Variants in RAB38 observed in about 807,000 individuals in gnomAD.
RAB38 encodes ras-related protein Rab-38.
RAB38 carries 15 observed loss-of-function variants against 18.4 expected under a neutral mutation model. The ratio of observed to expected loss-of-function variants is 0.82; its 90% CI spans 0.55 to 1.26. RAB38 has a LOEUF of 1.26. Among genes scored for constraint, RAB38 ranks in the 50% most tolerant of loss-of-function variants. The pLI is 0.00. For missense variants in RAB38, 294 were observed against 267.4 expected (o/e 1.10, Z -0.69); for synonymous variants, 101 against 104.4 (o/e 0.97, Z 0.20).
chr11:87,886,844 T>C, the RAB38 span, among the ~76,000 whole-genome samples: 1 of 151,734 alleles, frequency 6.6e-6, no homozygotes. Context: ...TTTTTTTCTT[T>C]TACACTGATG....
the RAB38 span, among the ~76,000 whole-genome samples, chr11:87,870,501 C>G: frequency 2.6e-5 from 4 of 151,612 alleles, no homozygotes; most frequent in South Asian, 8.3e-4. Context: ...CATTTCTCAT[C>G]AGGGGTCCGT....
At chr11:88,138,786 TTTA>T (rs1308249602) in intron 2 of RAB38, among the ~76,000 whole-genome samples, 1,340 of 114,718 alleles carry the variant, frequency 0.012, 10 homozygotes, top group Middle Eastern at 0.026. Flanking sequence ...TTCTTTTTTT[TTTA>T]TTATTTTTTT....
At chr11:88,070,256 C>T in the RAB38 span, among the ~76,000 whole-genome samples, 10 of 152,114 alleles carry the variant, frequency 6.6e-5, no homozygotes, top group East Asian at 3.9e-4. Flanking sequence ...CAACTCCAGA[C>T]GGGCCGCCTT....
At chr11:88,084,372 A>C in the RAB38 span, among the ~76,000 whole-genome samples, 2 of 151,754 alleles carry the variant, frequency 1.3e-5, no homozygotes, top group Non-Finnish European at 2.9e-5. Context: ...ATGAAATATA[A>C]AAGTGAATGG....
chr11:88,059,686 C>T, the RAB38 span, among the ~76,000 whole-genome samples: 3 of 152,220 alleles, frequency 2.0e-5, no homozygotes, highest in South Asian at 2.1e-4. Context: ...GAGTCTGTTA[C>T]ACTGAACAAG....
the RAB38 span, among the ~76,000 whole-genome samples, chr11:88,018,881 C>G: frequency 6.6e-6 from 1 of 151,956 alleles, no homozygotes; most frequent in Admixed American, 6.6e-5. Context: ...ATGAGGAACC[C>G]CCACAGATGA....
At chr11:87,904,779 C>T in the RAB38 span, among the ~76,000 whole-genome samples, 4 of 151,802 alleles carry the variant, frequency 2.6e-5, no homozygotes, top group East Asian at 5.9e-4. Flanking sequence ...GCCATTCTGA[C>T]TAGTGTGAAA....
At chr11:88,027,656 A>G in the RAB38 span, among the ~76,000 whole-genome samples, 1 of 152,138 alleles carries the variant, frequency 6.6e-6, no homozygotes, top group Non-Finnish European at 1.5e-5. Flanking sequence ...GCAAGGCGGC[A>G]GCGAGGCTGG....
the RAB38 span, among the ~76,000 whole-genome samples, chr11:87,966,541 A>G: frequency 6.6e-6 from 1 of 152,190 alleles, no homozygotes; most frequent in Non-Finnish European, 1.5e-5. Flanking sequence ...TGCAACATGC[A>G]AGAGAGGAGA....
At chr11:87,948,201 G>A in the RAB38 span, among the ~76,000 whole-genome samples, 4 of 152,108 alleles carry the variant, frequency 2.6e-5, no homozygotes, top group African/African-American at 7.2e-5. Flanking sequence ...CTGTTTGTCT[G>A]TTATTGGTGT....
the RAB38 span, among the ~76,000 whole-genome samples, chr11:87,927,441 C>A: frequency 6.6e-6 from 1 of 151,924 alleles, no homozygotes; most frequent in Non-Finnish European, 1.5e-5. Flanking sequence ...AGTTGACTTA[C>A]CTCCTGAACA....
At chr11:88,112,722 T>A (rs990049302), downstream of RAB38, among the ~76,000 whole-genome samples, 8 of 151,830 alleles carry the variant, frequency 5.3e-5, no homozygotes, top group Non-Finnish European at 1.0e-4. Flanking sequence ...TGCAGTGAGC[T>A]GAGATCGCGC....
chr11:88,066,138 AC>A, the RAB38 span, among the ~76,000 whole-genome samples: 4 of 152,222 alleles, frequency 2.6e-5, no homozygotes, highest in Admixed American at 6.5e-5. Context: ...TAACAAGTTT[AC>A]TTGGTTGTCA....
the RAB38 span, among the ~76,000 whole-genome samples, chr11:88,080,215 T>A: frequency 1.3e-5 from 2 of 151,600 alleles, no homozygotes; most frequent in Non-Finnish European, 3.0e-5. Context: ...AAGGTCAATA[T>A]ATAAAAACAA....
chr11:88,098,905 T>C, the RAB38 span, among the ~76,000 whole-genome samples: 1 of 152,014 alleles, frequency 6.6e-6, no homozygotes, highest in Non-Finnish European at 1.5e-5. Flanking sequence ...TGGGTCTTCA[T>C]ACCAGGCATG....
In RAB38 at chr11:88,175,328, G is replaced by T; in HGVS notation, c.57C>A (p.Gly19=). ...LYKLLVIGDL[G]VGKTSIIKRY... ...GCTTGATGATACTGGTCTTCCCCACGCCCAGGTCGCCAATCACCAGCAACT... is the reference window on the plus strand; with the variant it reads ...GCTTGATGATACTGGTCTTCCCCACTCCCAGGTCGCCAATCACCAGCAACT... Residue 19 remains glycine, a synonymous_variant, in exon 1 of 3, where the codon GGC becomes GGA. Transcript: ENST00000243662. 1 of 1,614,190 alleles carries T rather than the reference G, an allele frequency of 6.2e-7. No individual in the cohort carries two copies. The highest frequency in any genetic ancestry group is 8.5e-7 in the Non-Finnish European group (1 of 1,180,022).
chr11:88,068,393 A>G, the RAB38 span, among the ~76,000 whole-genome samples: 1 of 152,232 alleles, frequency 6.6e-6, no homozygotes. Flanking sequence ...TAAAACAATA[A>G]ATATGAACTT....
the RAB38 span, among the ~76,000 whole-genome samples, chr11:87,915,610 TCA>T: frequency 2.0e-5 from 3 of 152,016 alleles, no homozygotes; most frequent in African/African-American, 7.2e-5. Flanking sequence ...CCTGGAAAAC[TCA>T]CAAATAATCC....
chr11:88,092,390 GAGAGAGAGA>G, the RAB38 span, among the ~76,000 whole-genome samples: 1 of 53,540 alleles, frequency 1.9e-5, no homozygotes, highest in Non-Finnish European at 5.2e-5. Flanking sequence ...GAGAGAGAGA[GAGAGAGAGA>G]GAGAGAGAGA....
Sources: allele counts gnomAD v4.1 joint callset (sites outside exome capture counted in the v4.1 genomes callset), GRCh38; gene constraint gnomAD v4.1.1; transcripts MANE v1.5; gene names NCBI Gene and HGNC (gene_info 2026-07-23, HGNC 2026-07-21).